TRAPPC8: variants seen among roughly 807,000 people sequenced by gnomAD.
TRAPPC8 encodes general sporulation gene 1 homolog.
TRAPPC8 carries 54 observed loss-of-function variants against 174.3 expected under a neutral mutation model. That is an observed-to-expected ratio of 0.31 (90% CI 0.25 to 0.39). TRAPPC8 has a LOEUF of 0.39. Ranked by LOEUF, TRAPPC8 falls within the 10% of genes least tolerant of loss-of-function variation. The probability of loss-of-function intolerance (pLI) is 1.00; values close to 1 mark genes in which losing one functional copy is unlikely to be tolerated. For synonymous variants in TRAPPC8, 630 were observed against 579.9 expected (o/e 1.09, Z -1.24); for missense variants, 1,531 against 1,699.1 (o/e 0.90, Z 1.74).
At chr18:31,868,159 T>C (rs1411215030) in intron 16 of TRAPPC8, among the ~76,000 whole-genome samples, 1 of 152,182 alleles carries the variant, frequency 6.6e-6, no homozygotes, top group Non-Finnish European at 1.5e-5. Context: ...GACATTTCTC[T>C]GGTCATGTAG....
At position 31,853,845 on chromosome 18, in the gene TRAPPC8, A is replaced by C. The variant is rs758944319; in HGVS notation, c.3433+4T>G. 11 of 1,599,424 alleles carry C rather than the reference A, an allele frequency of 6.9e-6. No homozygotes were observed. The highest frequency in any genetic ancestry group is 4.5e-5 in the South Asian group (4 of 89,116). ...TTATTATGTAGCAGGAAAAACAAAC[A>C]AACCTTTGTTTTCAGAAAGATTTAC... On this transcript the variant is annotated splice_donor_region_variant and intron_variant, in intron 22 of 28. Transcript: ENST00000283351.
intron 11 of TRAPPC8, among the ~76,000 whole-genome samples, chr18:31,892,416 T>A (rs931996535): frequency 5.3e-5 from 8 of 152,368 alleles, no homozygotes; most frequent in African/African-American, 1.9e-4. Flanking sequence ...GTCTCATTTA[T>A]TTTAAAGCTA....
chr18:31,873,007 CTTTTTTTTTTTTTTTTTTTT>C (rs59209328), intron 14 of TRAPPC8, among the ~76,000 whole-genome samples: 1 of 74,600 alleles, frequency 1.3e-5, no homozygotes, highest in Admixed American at 1.5e-4. Context: ...ATTCATTTTC[CTTTTTTTTTTTTTTTTTTTT>C]TTTTTTTTGA....
At chr18:31,846,863 C>T in intron 25 of TRAPPC8, 46 bp from the exon 26 acceptor site, 1 of 1,411,056 alleles carries the variant, frequency 7.1e-7, no homozygotes, top group Non-Finnish European at 9.9e-7. Context: ...TGACAGTAAC[C>T]TCTAAAGTAA....
At chr18:31,839,189 G>T in intron 27 of TRAPPC8, 123 bp downstream of exon 27, 1 of 911,880 alleles carries the variant, frequency 1.1e-6, no homozygotes, top group Non-Finnish European at 1.6e-6. Context: ...GTATTCTATA[G>T]ACTCAAAAAC....
intron 5 of TRAPPC8, among the ~76,000 whole-genome samples, chr18:31,913,050 C>T (rs766527908): frequency 6.6e-6 from 1 of 151,878 alleles, no homozygotes; most frequent in African/African-American, 2.4e-5. Flanking sequence ...ATCACTTAAA[C>T]CTGAGAGGCG....
intron 15 of TRAPPC8, among the ~76,000 whole-genome samples, 153 bp from the exon 16 acceptor site, chr18:31,870,655 G>T (rs2145195299): frequency 6.6e-6 from 1 of 152,252 alleles, no homozygotes; most frequent in East Asian, 1.9e-4. Context: ...TCAGGATTCT[G>T]TTGTAATACT....
At chr18:31,872,644 C>T (rs2034927787) in intron 14 of TRAPPC8, among the ~76,000 whole-genome samples, 1 of 152,086 alleles carries the variant, frequency 6.6e-6, no homozygotes, top group African/African-American at 2.4e-5. Context: ...TGGTCTCAAT[C>T]TCTTGACCTC....
chr18:31,917,710 A>G, intron 2 of TRAPPC8, 43 bp from the exon 3 acceptor site: 1 of 1,557,984 alleles, frequency 6.4e-7, no homozygotes, highest in African/African-American at 1.4e-5. Context: ...TATTCAATAG[A>G]ATCAGTTTAC....
intron 19 of TRAPPC8, among the ~76,000 whole-genome samples, chr18:31,863,595 T>C (rs560316261): frequency 1.3e-5 from 2 of 152,328 alleles, no homozygotes; most frequent in East Asian, 3.9e-4. Flanking sequence ...GCATCTATAA[T>C]TATTAAAACT....
At chr18:31,858,965 C>T (rs577695101) in intron 19 of TRAPPC8, among the ~76,000 whole-genome samples, 24 of 152,162 alleles carry the variant, frequency 1.6e-4, no homozygotes, top group South Asian at 6.2e-4. Flanking sequence ...ATGAGCCGCA[C>T]GCCTGTGGTT....
Position 31,929,543 on chromosome 18 carries a change from T to C in TRAPPC8, c.352+1786A>G, listed in dbSNP as rs116455679. ...CCTTGTCTCTTTTAAAAAAACATAT[T>C]AGCCTGGCATAGTTGGTAGGCTGAG... On this transcript the variant is annotated intron_variant, in intron 2 of 28. Transcript: ENST00000283351. Among the ~76,000 whole-genome samples the C allele has an allele frequency of 5.3e-3, 812 of 151,926 alleles. 5 individuals are homozygous for C. Among genetic ancestry groups the C allele is most frequent in the African/African-American group, 0.019 (771 of 41,410 alleles).
chr18:31,842,240 A>G (rs1294958675), intron 26 of TRAPPC8, among the ~76,000 whole-genome samples: 1 of 152,162 alleles, frequency 6.6e-6, no homozygotes, highest in Non-Finnish European at 1.5e-5. Flanking sequence ...TAATCTCACT[A>G]TTTTCTCAGA....
chr18:31,911,893 T>G (rs1427879331), intron 5 of TRAPPC8, among the ~76,000 whole-genome samples: 2 of 146,882 alleles, frequency 1.4e-5, no homozygotes, highest in South Asian at 4.3e-4. Flanking sequence ...AAAAAAAAAT[T>G]TTCTTCTAAA....
intron 2 of TRAPPC8, among the ~76,000 whole-genome samples, chr18:31,926,842 T>C (rs778497600): frequency 2.6e-5 from 4 of 152,154 alleles, no homozygotes; most frequent in Admixed American, 6.5e-5. Context: ...GCAGTGAATA[T>C]TAACCAAAAA....
Position 31,927,332 on chromosome 18 carries a change from G to A in TRAPPC8, c.352+3997C>T, listed in dbSNP as rs1007226354. On this transcript the variant is annotated intron_variant, in intron 2 of 28. Coordinates refer to ENST00000283351, the MANE Select transcript of TRAPPC8 (RefSeq NM_014939.5). ...GGCTGGAGTGCAGTGGCGTGATCTC[G>A]GCTGACTGCAACCTCTGCCTCCCAG... 4.0e-5 allele frequency among the ~76,000 whole-genome samples: 6 copies of A among 151,760 alleles called. No individual in the cohort carries two copies. The East Asian group carries it at 5.8e-4, about 15-fold the overall frequency.
chr18:31,865,617 AT>A (rs1226440348), intron 18 of TRAPPC8, among the ~76,000 whole-genome samples: 4 of 151,878 alleles, frequency 2.6e-5, no homozygotes, highest in Non-Finnish European at 2.9e-5. Context: ...CATATAAAGT[AT>A]TTTTTAATGC....
intron 10 of TRAPPC8, among the ~76,000 whole-genome samples, chr18:31,898,100 C>G (rs1394978893): frequency 1.3e-5 from 2 of 152,096 alleles, no homozygotes; most frequent in Non-Finnish European, 2.9e-5. Flanking sequence ...TACACATCCT[C>G]TTATATAATT....
At chr18:31,854,745 G>A (rs2033902382) in intron 21 of TRAPPC8, among the ~76,000 whole-genome samples, 1 of 151,804 alleles carries the variant, frequency 6.6e-6, no homozygotes, top group East Asian at 2.0e-4. Context: ...GAGGTGGGCG[G>A]ATTACGAGGT....
Sources: gnomAD v4.1 joint callset for allele counts (sites outside exome capture counted in the v4.1 genomes callset) on GRCh38, gnomAD v4.1.1 for gene constraint, MANE v1.5 for transcripts, NCBI Gene and HGNC (gene_info 2026-07-23, HGNC 2026-07-21) for gene names.